EPB41L1: variants seen among roughly 807,000 people sequenced by gnomAD.
The protein encoded by EPB41L1 is erythrocyte membrane protein band 4.1 like 1, also known as band 4.1-like protein 1.
EPB41L1 carries 29 observed loss-of-function variants against 97.8 expected under a neutral mutation model. The observed-to-expected ratio is 0.30, with a 90% CI of 0.22 to 0.40. The LOEUF is 0.40. Ranked by LOEUF, EPB41L1 falls within the 10% of genes least tolerant of loss-of-function variation. The pLI is 1.00. For missense variants in EPB41L1, 812 were observed against 1,162.3 expected, an observed-to-expected ratio of 0.70 and a Z score of 4.38; for synonymous variants, 383 against 459.2, an observed-to-expected ratio of 0.83 and a Z score of 2.12.
intron 19 of EPB41L1, among the ~76,000 whole-genome samples, chr20:36,220,851 G>A (rs561469754): frequency 9.9e-5 from 15 of 152,194 alleles, no homozygotes; most frequent in Non-Finnish European, 1.6e-4. Flanking sequence ...AGGGCGCCTA[G>A]CCAGGGCTGG....
intron 1 of EPB41L1, among the ~76,000 whole-genome samples, chr20:36,098,256 G>A (rs2057897670): frequency 6.6e-6 from 1 of 152,138 alleles, no homozygotes; most frequent in South Asian, 2.1e-4. Flanking sequence ...TAATGAGTGG[G>A]AATCTGAAAA....
chr20:36,232,368 A>G lies in EPB41L1; in HGVS notation c.*3028A>G, dbSNP rs1161758625. On this transcript the variant is annotated 3_prime_UTR_variant, in exon 22 of 22. Transcript: ENST00000338074. The stretch of plus-strand genomic sequence containing the variant: ...AGCTCCTAACTCACCATGTGACATC[A>G]GGCTATCCCCATTCCCCCTCTTGGG... The G allele has an allele frequency of 8.3e-6, 3 of 360,958 alleles. No homozygotes were observed. The highest frequency in any genetic ancestry group is 4.2e-5 in the African/African-American group (2 of 47,952). 22.4% of individuals were successfully genotyped at this position (360,958 alleles called of 1,614,324 possible).
chr20:36,138,664 T>A (rs2059512308), intron 2 of EPB41L1, among the ~76,000 whole-genome samples: 1 of 152,234 alleles, frequency 6.6e-6, no homozygotes, highest in Admixed American at 6.5e-5. Flanking sequence ...GCGTCCACTC[T>A]GAGTAGTAGG....
chr20:36,214,536 T>C, intron 17 of EPB41L1, 96 bp downstream of exon 17: 3 of 1,010,794 alleles, frequency 3.0e-6, no homozygotes, highest in Non-Finnish European at 4.5e-6. Flanking sequence ...CTTCAGGAAG[T>C]TGTGAGCTGC....
rs1389119991 is a variant in EPB41L1 at position 36,093,199 on chromosome 20, G to A, written c.-65+1587G>A. ...TATCTGGGTGAGGGTGCGTGTGTCT[G>A]CGTGTGTCTGTCGGTGAATGTATCT... On this transcript the variant is annotated intron_variant, in intron 1 of 19. Coordinates refer to the EPB41L1 transcript ENST00000202028. This position sits in a 1 kb window ranked among gnomAD's most constrained non-coding sequence, Gnocchi z 5.4. 6.6e-6 allele frequency among the ~76,000 whole-genome samples: 1 copy of A among 152,094 alleles called. No individual in the cohort carries two copies. The highest frequency in any genetic ancestry group is 2.4e-5 in the African/African-American group (1 of 41,402).
chr20:36,128,344 TGAGGTGCCCCA>T (rs2059055182), intron 2 of EPB41L1, among the ~76,000 whole-genome samples: 1 of 152,138 alleles, frequency 6.6e-6, no homozygotes, highest in Non-Finnish European at 1.5e-5. Context: ...CTGCAAGACC[TGAGGTGCCCCA>T]GGCCGGGCCT....
At chr20:36,211,134 C>T (rs1486503208) in intron 15 of EPB41L1, among the ~76,000 whole-genome samples, 2 of 143,592 alleles carry the variant, frequency 1.4e-5, no homozygotes, top group Non-Finnish European at 3.0e-5. Context: ...CACCTGTAAT[C>T]CCAGCACTTT....
At chr20:36,228,276 A>C (rs1467270069) in intron 21 of EPB41L1, among the ~76,000 whole-genome samples, 1 of 152,254 alleles carries the variant, frequency 6.6e-6, no homozygotes, top group African/African-American at 2.4e-5. Flanking sequence ...AATTAACAAC[A>C]GCAACAATCA....
At chr20:36,222,870 C>T (rs2063868428) in intron 21 of EPB41L1, among the ~76,000 whole-genome samples, 1 of 152,114 alleles carries the variant, frequency 6.6e-6, no homozygotes, top group Non-Finnish European at 1.5e-5. Context: ...TGACCAGAGC[C>T]CTTGATCCCT....
chr20:36,187,438 G>T (rs2061730044), intron 7 of EPB41L1, among the ~76,000 whole-genome samples: 1 of 152,192 alleles, frequency 6.6e-6, no homozygotes, highest in South Asian at 2.1e-4. Flanking sequence ...CTCAGCCTTT[G>T]TATGATCCCT....
At chr20:36,196,719 T>A (rs1365221260) in intron 13 of EPB41L1, among the ~76,000 whole-genome samples, 1 of 152,230 alleles carries the variant, frequency 6.6e-6, no homozygotes, top group Non-Finnish European at 1.5e-5. Flanking sequence ...GATCTGACTT[T>A]AATAAGCTGA....
chr20:36,158,209 C>G (rs911489805), intron 1 of EPB41L1, among the ~76,000 whole-genome samples: 1 of 152,156 alleles, frequency 6.6e-6, no homozygotes, highest in Non-Finnish European at 1.5e-5. Context: ...GCCAGGCAGC[C>G]TGTAGTTTCT....
chr20:36,178,020 C>T lies in EPB41L1; in HGVS notation c.411C>T (p.Tyr137=). ...ACCTCAACCTCCTAGAGAAGGACTA[C>T]TTCGGCCTGACCTTCTGTGATGCTG... ...CEHLNLLEKD[Y]FGLTFCDADS... The change falls in exon 4 of 22, where the codon TAC becomes TAT. Residue 137 remains tyrosine (Y), a synonymous_variant. Transcript: ENST00000338074. 1 of 1,614,190 alleles carries T rather than the reference C, an allele frequency of 6.2e-7. No individual in the cohort carries two copies. Among genetic ancestry groups the T allele is most frequent in the South Asian group, 1.1e-5 (1 of 91,090 alleles).
At chr20:36,143,137 T>G (rs867444865) in intron 2 of EPB41L1, among the ~76,000 whole-genome samples, 27 of 130,706 alleles carry the variant, frequency 2.1e-4, no homozygotes, top group Non-Finnish European at 3.2e-4. Context: ...GAGGGTGTGT[T>G]TGTGTGTGTG....
intron 1 of EPB41L1, among the ~76,000 whole-genome samples, chr20:36,170,493 G>A (rs1488721968): frequency 3.9e-5 from 6 of 151,900 alleles, no homozygotes; most frequent in Admixed American, 2.0e-4. Context: ...GATTTTTTAC[G>A]TTTTTTTCCT....
intron 9 of EPB41L1, among the ~76,000 whole-genome samples, chr20:36,189,069 T>G (rs1467391154): frequency 6.6e-6 from 1 of 152,126 alleles, no homozygotes; most frequent in African/African-American, 2.4e-5. Flanking sequence ...CATGTATATG[T>G]CTACACCTCT....
chr20:36,195,281 G>C lies in EPB41L1; in HGVS notation c.1450-48G>C. On this transcript the variant is annotated intron_variant, in intron 12 of 21. Coordinates refer to ENST00000338074, the MANE Select transcript of EPB41L1 (RefSeq NM_012156.2). This position sits in a 1 kb window ranked among gnomAD's most constrained non-coding sequence, Gnocchi z 4.6. ...CCATCGTGGTATCTCTAATCCATCTGCTCTACTGACCCTGCTGCTTTCTTT... is the reference window on the plus strand; with the variant it reads ...CCATCGTGGTATCTCTAATCCATCTCCTCTACTGACCCTGCTGCTTTCTTT... 6.2e-7 allele frequency: 1 copy of C among 1,612,508 alleles called. No homozygotes were observed. Among genetic ancestry groups the C allele is most frequent in the Non-Finnish European group, 8.5e-7 (1 of 1,178,720 alleles).
chr20:36,141,076 C>G (rs1335582674), intron 2 of EPB41L1, among the ~76,000 whole-genome samples: 1 of 152,142 alleles, frequency 6.6e-6, no homozygotes, highest in Non-Finnish European at 1.5e-5. Flanking sequence ...GGAGGAGGGT[C>G]TTTGTAGAAT....
chr20:36,204,399 G>C (rs907407290), intron 14 of EPB41L1, among the ~76,000 whole-genome samples: 3 of 151,310 alleles, frequency 2.0e-5, no homozygotes, highest in Non-Finnish European at 2.9e-5. Context: ...ATCCCTCCCA[G>C]GCATTGTTTG....
Sources: gnomAD v4.1 joint callset for allele counts (sites outside exome capture counted in the v4.1 genomes callset) on GRCh38, gnomAD v4.1.1 for gene constraint, Gnocchi (gnomAD v3.1) non-coding constraint, MANE v1.5 for transcripts, NCBI Gene and HGNC (gene_info 2026-07-23, HGNC 2026-07-21) for gene names.